The following CYFIP1 variants were observed in gnomAD, a reference collection of about 807,000 sequenced individuals.
CYFIP1 encodes cytoplasmic FMR1-interacting protein 1.
Under a neutral mutation model 163.5 loss-of-function variants are expected in CYFIP1, and 58 were observed. The observed-to-expected ratio is 0.35, with a 90% CI of 0.29 to 0.44. CYFIP1 has a LOEUF of 0.44. CYFIP1 is among the 20% of genes least tolerant of loss of function. The pLI is 1.00. For missense variants in CYFIP1, 1,338 were observed against 1,653.8 expected, an observed-to-expected ratio of 0.81 and a Z score of 3.31; for synonymous variants, 663 against 660.7, an observed-to-expected ratio of 1.00 and a Z score of -0.05.
At chr15:22,924,004 A>AAGG (rs1258132641) in intron 13 of CYFIP1, among the ~76,000 whole-genome samples, 1 of 151,978 alleles carries the variant, frequency 6.6e-6, no homozygotes, top group Admixed American at 6.6e-5. Context: ...TAGTAGTGAA[A>AAGG]AGGTAGAAAT....
chr15:22,903,150 G>C (rs1344112382), intron 22 of CYFIP1, among the ~76,000 whole-genome samples: 2 of 152,170 alleles, frequency 1.3e-5, no homozygotes, highest in East Asian at 3.9e-4. Flanking sequence ...GGGAAGGCAT[G>C]GTGGGTGACA....
intron 11 of CYFIP1, among the ~76,000 whole-genome samples, chr15:22,929,664 G>A (rs1368022781): frequency 3.6e-5 from 5 of 138,176 alleles, no homozygotes; most frequent in African/African-American, 1.3e-4. Context: ...GGCCAGGCAC[G>A]GTGGCTCACG....
At chr15:22,980,128 TCCCGGAGGCCGCGCCGC>T (rs1567061831) in intron 1 of CYFIP1, among the ~76,000 whole-genome samples, 142 bp downstream of exon 1, 2 of 115,096 alleles carry the variant, frequency 1.7e-5, no homozygotes. Flanking sequence ...ACCAGGACGA[TCCCGGAGGCCGCGCCGC>T]CGGGGAGGCC....
chr15:22,875,155 A>C, intron 27 of CYFIP1, 44 bp downstream of exon 27: 1 of 1,591,872 alleles, frequency 6.3e-7, no homozygotes, highest in Non-Finnish European at 8.6e-7. Flanking sequence ...CACCACCCCC[A>C]CAGAGGGCAG....
At position 22,867,340 on chromosome 15, in the gene CYFIP1, T is replaced by C. The variant is rs1048022997; in HGVS notation, c.*2688A>G. 1 of 396,178 alleles carries C rather than the reference T, an allele frequency of 2.5e-6. No homozygotes were observed. The highest frequency in any genetic ancestry group is 4.4e-6 in the Non-Finnish European group (1 of 224,968). The allele number at this position is 396,178 out of a possible 1,614,324, so 24.5% of individuals were successfully genotyped here. On this transcript the variant is annotated 3_prime_UTR_variant, in exon 31 of 31. Transcript: ENST00000617928. ...TGATTGGTTTTATTTTTGAAATATT[T>C]ATTAAGGGAAAACTAAGTTACTGAA...
chr15:22,953,972 C>T (rs994990237), intron 1 of CYFIP1, among the ~76,000 whole-genome samples: 4 of 152,164 alleles, frequency 2.6e-5, no homozygotes, highest in East Asian at 1.9e-4. Context: ...AGGAAAATGG[C>T]GTGAACCCGG....
intron 22 of CYFIP1, among the ~76,000 whole-genome samples, chr15:22,898,863 C>T (rs1424672864): frequency 3.9e-5 from 6 of 151,986 alleles, no homozygotes; most frequent in South Asian, 2.1e-4. Flanking sequence ...ATTAGCCGGG[C>T]GTGGTGGCGG....
intron 26 of CYFIP1, among the ~76,000 whole-genome samples, chr15:22,877,158 G>A (rs546651402): frequency 1.3e-5 from 2 of 152,198 alleles, no homozygotes; most frequent in Non-Finnish European, 2.9e-5. Context: ...TTACAGGGCT[G>A]GGTCAGTTCT....
In CYFIP1 at chr15:22,868,734, C is replaced by A; in HGVS notation, c.*1294G>T. The A allele has an allele frequency of 6.6e-6, 1 of 152,166 alleles. No homozygotes were observed. Among genetic ancestry groups the A allele is most frequent in the Non-Finnish European group, 1.5e-5 (1 of 68,034 alleles). The allele number at this position is 152,166 out of a possible 1,614,324, so 9.4% of individuals were successfully genotyped here. A position where few individuals can be genotyped will look rare whatever the true frequency, so the allele number is the denominator to read the frequency against. ...GCTTCTGGACAGTTTCCAAAGGCCTCCGGAAAAGTAGGCGAGGCCTGCTTT... is the reference window on the plus strand; with the variant it reads ...GCTTCTGGACAGTTTCCAAAGGCCTACGGAAAAGTAGGCGAGGCCTGCTTT... On this transcript the variant is annotated 3_prime_UTR_variant, in exon 31 of 31. Transcript: ENST00000617928.
intron 1 of CYFIP1, among the ~76,000 whole-genome samples, chr15:22,979,493 C>G (rs1195638598): frequency 6.6e-6 from 1 of 152,074 alleles, no homozygotes; most frequent in Non-Finnish European, 1.5e-5. Flanking sequence ...GCGGCGACCA[C>G]GCGGCGCTGG....
At chr15:22,948,272 C>A (rs557758334) in intron 1 of CYFIP1, among the ~76,000 whole-genome samples, 105 of 152,252 alleles carry the variant, frequency 6.9e-4, no homozygotes, top group African/African-American at 2.3e-3. Flanking sequence ...TCAAGCCCAT[C>A]CTCAAGCTGC....
chr15:22,873,823 G>T, intron 28 of CYFIP1, 94 bp from the exon 29 acceptor site: 1 of 1,158,004 alleles, frequency 8.6e-7, no homozygotes, highest in Non-Finnish European at 1.3e-6. Context: ...ACAGGGTCTT[G>T]CTCTGCTGCC....
At chr15:22,914,938 G>A (rs2142090581) in intron 16 of CYFIP1, 56 bp from the exon 17 acceptor site, 1 of 1,547,256 alleles carries the variant, frequency 6.5e-7, no homozygotes, top group Non-Finnish European at 8.7e-7. Context: ...AAAACCTTTA[G>A]CAGAGATGAC....
intron 11 of CYFIP1, among the ~76,000 whole-genome samples, 197 bp from the exon 12 acceptor site, chr15:22,928,225 A>G (rs1434526944): frequency 6.6e-6 from 1 of 152,114 alleles, no homozygotes; most frequent in Non-Finnish European, 1.5e-5. Flanking sequence ...ACTGAAAAAT[A>G]CAAAAAAATT....
At chr15:22,889,688 G>A (rs958850032) in intron 23 of CYFIP1, among the ~76,000 whole-genome samples, 2 of 152,146 alleles carry the variant, frequency 1.3e-5, no homozygotes, top group Admixed American at 6.5e-5. Context: ...GGGTGACAGA[G>A]GAGCCTCTCT....
chr15:22,878,069 A>G (rs1331378853), intron 26 of CYFIP1, among the ~76,000 whole-genome samples: 3 of 152,224 alleles, frequency 2.0e-5, no homozygotes, highest in Non-Finnish European at 4.4e-5. Flanking sequence ...CAAAGCTACC[A>G]GAGACCTAAA....
At chr15:22,924,756 T>C (rs982139660) in intron 13 of CYFIP1, among the ~76,000 whole-genome samples, 13 of 152,142 alleles carry the variant, frequency 8.5e-5, no homozygotes, top group Admixed American at 3.9e-4. Flanking sequence ...GAATTTACTA[T>C]GAAAAACCTT....
chr15:22,973,061 G>A (rs558078825), intron 1 of CYFIP1, among the ~76,000 whole-genome samples: 2 of 152,176 alleles, frequency 1.3e-5, no homozygotes, highest in South Asian at 4.2e-4. Context: ...GTTTGAACCT[G>A]GGAGACAGAG....
rs570101223 is a variant in CYFIP1 at position 22,877,220 on chromosome 15, G to A, written c.3043-1949C>T. Among the ~76,000 whole-genome samples the A allele has an allele frequency of 5.9e-5, 9 of 152,296 alleles. No individual in the cohort carries two copies. The South Asian group carries it at 1.7e-3, about 28-fold the overall frequency. On this transcript the variant is annotated intron_variant, in intron 26 of 30. Transcript: ENST00000617928. ...AATGGATAAGCTCCTGCGAGAGCAG[G>A]TTGTTGTAAGCAAGGCTGCCTCTCA...
Sources: gnomAD v4.1 joint callset for allele counts (sites outside exome capture counted in the v4.1 genomes callset) on GRCh38, gnomAD v4.1.1 for gene constraint, MANE v1.5 for transcripts, NCBI Gene and HGNC (gene_info 2026-07-23, HGNC 2026-07-21) for gene names.